The following GYG1 variants were observed in gnomAD, a reference collection of about 807,000 sequenced individuals.
GYG1 encodes the protein glycogenin 1.
A neutral mutation model predicts 41.9 loss-of-function variants in GYG1; 44 were observed. The ratio of observed to expected loss-of-function variants is 1.05; its 90% CI spans 0.83 to 1.35. GYG1 has a LOEUF of 1.35. GYG1 is among the 40% of genes most tolerant of loss of function. The pLI, the probability that GYG1 is intolerant of heterozygous loss-of-function variation, is 0.00. For missense variants in GYG1, 429 were observed against 418.9 expected, an observed-to-expected ratio of 1.02 and a Z score of -0.21; for synonymous variants, 141 against 158.1, an observed-to-expected ratio of 0.89 and a Z score of 0.81.
chr3:148,994,173 T>A lies in GYG1; in HGVS notation c.39T>A (p.Asp13Glu). The change falls in exon 2 of 8, where the codon GAT becomes GAA. Residue 13 changes from aspartate (D) to glutamate (E), a missense_variant. Coordinates refer to ENST00000345003, the MANE Select transcript of GYG1 (RefSeq NM_004130.4). ...CCTTTGTGACACTAACCACAAACGA[T>A]GCCTACGCCAAAGGTGCCCTGGTCC... is the stretch of plus-strand genomic sequence containing the variant. Reference protein sequence around the residue: ...DQAFVTLTTNDAYAKGALVLG... With the variant: ...DQAFVTLTTNEAYAKGALVLG... 1 of 1,613,884 alleles carries A rather than the reference T, an allele frequency of 6.2e-7. No individual in the cohort carries two copies.
At chr3:148,995,322 G>A (rs1712725151) in intron 2 of GYG1, among the ~76,000 whole-genome samples, 1 of 152,106 alleles carries the variant, frequency 6.6e-6, no homozygotes, top group Non-Finnish European at 1.5e-5. Context: ...TTATTTTTCT[G>A]GTCTCCTGGC....
At chr3:149,017,586 T>G (rs866386148) in intron 5 of GYG1, among the ~76,000 whole-genome samples, 2 of 47,768 alleles carry the variant, frequency 4.2e-5, no homozygotes, top group Non-Finnish European at 8.3e-5. Context: ...ATTTAGGTTT[T>G]TTTTTTTTTT....
At chr3:149,009,745 A>G (rs530993273) in intron 5 of GYG1, among the ~76,000 whole-genome samples, 3 of 152,270 alleles carry the variant, frequency 2.0e-5, no homozygotes, top group South Asian at 2.1e-4. Flanking sequence ...CCCTAACTCA[A>G]TGTCTTCCCC....
chr3:149,024,186 C>T lies in GYG1; in HGVS notation c.742C>T (p.Leu248=), dbSNP rs1162888578. The T allele has an allele frequency of 6.2e-7, 1 of 1,613,906 alleles. No homozygotes were observed. Among genetic ancestry groups the T allele is most frequent in the East Asian group, 2.2e-5 (1 of 44,878 alleles). The change falls in exon 6 of 8, where the codon CTG becomes TTG. Residue 248 remains leucine (L), a synonymous_variant. Transcript: ENST00000345003. Reference sequence around the variant, plus strand: ...CATGACTCATCCAGAGTTTCTCATCCTGTGGTGGAACATCTTTACCACCAA... The same window carrying T: ...CATGACTCATCCAGAGTTTCTCATCTTGTGGTGGAACATCTTTACCACCAA... ...PNMTHPEFLI[L]WWNIFTTNVL... is the part of the protein sequence containing the mutation.
At chr3:148,994,990 G>A (rs935423366) in intron 2 of GYG1, among the ~76,000 whole-genome samples, 1 of 152,182 alleles carries the variant, frequency 6.6e-6, no homozygotes, top group African/African-American at 2.4e-5. Context: ...AGACCAGCCT[G>A]GCCAACATGG....
intron 6 of GYG1, 150 bp from the exon 7 acceptor site, chr3:149,026,302 C>G: frequency 1.4e-6 from 1 of 728,298 alleles, no homozygotes; most frequent in Non-Finnish European, 2.5e-6. Context: ...TGTTGCGGCT[C>G]TCTAGTTAGA....
intron 4 of GYG1, among the ~76,000 whole-genome samples, chr3:149,000,112 T>C (rs904056071): frequency 5.9e-5 from 9 of 152,188 alleles, no homozygotes; most frequent in Admixed American, 2.0e-4. Flanking sequence ...ATTCACAGCC[T>C]CTCCACCTCT....
At chr3:149,005,126 T>C (rs1202372404) in intron 4 of GYG1, among the ~76,000 whole-genome samples, 1 of 152,236 alleles carries the variant, frequency 6.6e-6, no homozygotes, top group Non-Finnish European at 1.5e-5. Context: ...GGTTCTCAAA[T>C]TGGATAAATG....
intron 5 of GYG1, among the ~76,000 whole-genome samples, chr3:149,010,451 C>T (rs570943316): frequency 1.3e-5 from 2 of 152,124 alleles, no homozygotes; most frequent in South Asian, 4.2e-4. Context: ...CTCAGCCTCC[C>T]TAGTAGCTGG....
intron 5 of GYG1, among the ~76,000 whole-genome samples, chr3:149,020,850 G>A (rs73162992): frequency 0.076 from 11,574 of 152,210 alleles, 553 homozygotes; most frequent in Middle Eastern, 0.16. Flanking sequence ...GCTCCAGGCC[G>A]GGAAGTTGAG....
chr3:148,993,054 G>T (rs1032186724), intron 1 of GYG1, among the ~76,000 whole-genome samples: 3 of 152,042 alleles, frequency 2.0e-5, no homozygotes, highest in African/African-American at 4.8e-5. Context: ...GTCCCAACTC[G>T]CTGGTTAAGC....
At chr3:149,004,478 T>C (rs549217497) in intron 4 of GYG1, among the ~76,000 whole-genome samples, 7 of 152,324 alleles carry the variant, frequency 4.6e-5, no homozygotes, top group African/African-American at 9.6e-5. Context: ...GGTAACACCA[T>C]ACATAGATTT....
chr3:149,021,012 C>T (rs115509357), intron 5 of GYG1, among the ~76,000 whole-genome samples: 1,984 of 151,984 alleles, frequency 0.013, 27 homozygotes, highest in Non-Finnish European at 0.021. Context: ...TGGTGGGTTC[C>T]CCCATCCTCA....
In GYG1 at chr3:148,991,840, G is replaced by A. The variant is rs575092677; in HGVS notation, c.7+193G>A. Among the ~76,000 whole-genome samples the A allele has an allele frequency of 1.3e-3, 195 of 152,348 alleles. 1 individual carries two copies. Among genetic ancestry groups the A allele is most frequent in the African/African-American group, 4.3e-3 (180 of 41,596 alleles). On this transcript the variant is annotated intron_variant, in intron 1 of 7. Transcript: ENST00000345003. ...CGCCCCGCCGCCCCCCAGAGTGCAG[G>A]GATGGGGCAGCCGGGCAGAGCCCGG... is the stretch of plus-strand genomic sequence containing the variant.
intron 4 of GYG1, among the ~76,000 whole-genome samples, chr3:148,999,832 C>T (rs910787758): frequency 2.0e-5 from 3 of 152,208 alleles, no homozygotes; most frequent in African/African-American, 4.8e-5. Context: ...CATTTTCTCA[C>T]AACCATAGTT....
In GYG1 at chr3:148,996,273, G is replaced by A. The variant is rs143942810; in HGVS notation, c.144-29G>A. Reference sequence around the variant, plus strand: ...GTCACTTGTTCTGAAAAGATGCTAAGTGTGGTATTCTGGATTTTATTTTGA... The same window carrying A: ...GTCACTTGTTCTGAAAAGATGCTAAATGTGGTATTCTGGATTTTATTTTGA... On this transcript the variant is annotated intron_variant, in intron 2 of 7. Coordinates refer to ENST00000345003, the MANE Select transcript of GYG1 (RefSeq NM_004130.4). The A allele has an allele frequency of 3.3e-4, 503 of 1,537,140 alleles. 4 individuals carry two copies. The East Asian group carries it at 0.01, about 31-fold the overall frequency.
intron 1 of GYG1, 134 bp from the exon 2 acceptor site, chr3:148,994,008 A>T: frequency 1.3e-6 from 1 of 798,172 alleles, no homozygotes; most frequent in Non-Finnish European, 2.1e-6. Context: ...CCAAAGGGCT[A>T]CAGCTTGATT....
At chr3:149,006,441 A>G (rs1336422822) in intron 4 of GYG1, among the ~76,000 whole-genome samples, 1 of 152,162 alleles carries the variant, frequency 6.6e-6, no homozygotes, top group African/African-American at 2.4e-5. Context: ...CCTGGCAACC[A>G]TTAATTTGCT....
chr3:149,014,704 A>G lies in GYG1; in HGVS notation c.608+5302A>G, dbSNP rs796376744. ...CTACTAAAAAAAAAAATACATATAT[A>G]TAAATACATAAAAATTAGCTGGGCG... On this transcript the variant is annotated intron_variant, in intron 5 of 7. Coordinates refer to ENST00000345003, the MANE Select transcript of GYG1 (RefSeq NM_004130.4). Among the ~76,000 whole-genome samples the G allele has an allele frequency of 2.5e-4, 38 of 152,028 alleles. 1 individual carries two copies. Among genetic ancestry groups the G allele is most frequent in the African/African-American group, 9.2e-4 (38 of 41,494 alleles).
Sources: gnomAD v4.1 joint callset for allele counts (sites outside exome capture counted in the v4.1 genomes callset) on GRCh38, gnomAD v4.1.1 for gene constraint, MANE v1.5 for transcripts, NCBI Gene and HGNC (gene_info 2026-07-23, HGNC 2026-07-21) for gene names.